Variants in CTNNA2 observed in about 807,000 individuals in gnomAD.
CTNNA2 encodes catenin alpha 2.
In CTNNA2, 42 loss-of-function variants were observed where a neutral mutation model predicts 101.0. That is an observed-to-expected ratio of 0.42 (90% CI 0.32 to 0.54). The LOEUF (loss-of-function observed/expected upper bound fraction) is 0.54. Among genes scored for constraint, CTNNA2 ranks in the 20% least tolerant of loss-of-function variants. The probability of loss-of-function intolerance (pLI) is 0.14; values close to 1 mark genes in which losing one functional copy is unlikely to be tolerated. For synonymous variants in CTNNA2, 450 were observed against 456.4 expected (o/e 0.99, Z 0.18); for missense variants, 871 against 1,223.1 (o/e 0.71, Z 4.29).
At chr2:80,616,485 C>G (rs114764080) in intron 17 of CTNNA2, 1 of 151,686 alleles carries the variant, frequency 6.6e-6, no homozygotes, top group Non-Finnish European at 1.5e-5. Flanking sequence ...TTCCACCTGA[C>G]TTTTCTCAAT....
intron 7 of CTNNA2, among the ~76,000 whole-genome samples, chr2:80,045,961 G>C (rs559383246): frequency 6.6e-6 from 1 of 152,312 alleles, no homozygotes; most frequent in South Asian, 2.1e-4. Flanking sequence ...ATCCCGAAAA[G>C]TGAGAGTAGA....
intron 7 of CTNNA2, among the ~76,000 whole-genome samples, chr2:80,198,001 G>A (rs1706943024): frequency 1.3e-5 from 2 of 152,112 alleles, no homozygotes; most frequent in African/African-American, 2.4e-5. Context: ...ATTTATGACT[G>A]TGGCAATAGT....
intron 1 of CTNNA2, among the ~76,000 whole-genome samples, chr2:79,557,771 T>C (rs190822001): frequency 3.0e-4 from 45 of 152,092 alleles, no homozygotes; most frequent in African/African-American, 1.0e-3. Flanking sequence ...TGAGATGAAT[T>C]GGCTTCTCTG....
chr2:80,554,280 G>A (rs560428546), intron 11 of CTNNA2, among the ~76,000 whole-genome samples: 2 of 152,190 alleles, frequency 1.3e-5, no homozygotes, highest in South Asian at 2.1e-4. Flanking sequence ...AGCCCTAAAA[G>A]CTTCTTAAAG....
At chr2:79,868,739 T>A (rs1418888873) in intron 4 of CTNNA2, among the ~76,000 whole-genome samples, 1 of 152,246 alleles carries the variant, frequency 6.6e-6, no homozygotes, top group African/African-American at 2.4e-5. Context: ...AGCTGCCTTC[T>A]CGCTCCATTC....
intron 7 of CTNNA2, among the ~76,000 whole-genome samples, chr2:80,083,996 G>A (rs971797851): frequency 2.6e-5 from 4 of 151,900 alleles, no homozygotes; most frequent in Non-Finnish European, 5.9e-5. Context: ...TGTAGAGGAG[G>A]GTTTATTTGC....
chr2:79,685,419 C>A (rs1240426604), intron 2 of CTNNA2, among the ~76,000 whole-genome samples: 1 of 152,020 alleles, frequency 6.6e-6, no homozygotes, highest in Non-Finnish European at 1.5e-5. Context: ...TTAACTGACT[C>A]AAATGAGAGA....
intron 7 of CTNNA2, among the ~76,000 whole-genome samples, chr2:80,262,989 C>T (rs318365): frequency 0.44 from 66,926 of 151,826 alleles, 16,425 homozygotes; most frequent in Non-Finnish European, 0.56. Context: ...CAAATTCTAA[C>T]GTGCCAGAAC....
chr2:80,639,685 A>T (rs919545443), intron 18 of CTNNA2, among the ~76,000 whole-genome samples: 1 of 152,192 alleles, frequency 6.6e-6, no homozygotes, highest in African/African-American at 2.4e-5. Context: ...TTAATACTTA[A>T]ATCTTCTCCT....
chr2:79,864,341 G>T (rs1681862935), intron 4 of CTNNA2, among the ~76,000 whole-genome samples: 1 of 152,178 alleles, frequency 6.6e-6, no homozygotes, highest in African/African-American at 2.4e-5. Flanking sequence ...AAACACCAGT[G>T]ATTCTATTGT....
chr2:79,794,667 C>G (rs1049908170), intron 3 of CTNNA2, among the ~76,000 whole-genome samples: 1 of 152,164 alleles, frequency 6.6e-6, no homozygotes, highest in African/African-American at 2.4e-5. Context: ...TACAGTAGAT[C>G]TCCATAACTT....
At chr2:79,661,688 G>A (rs934964978) in intron 2 of CTNNA2, among the ~76,000 whole-genome samples, 1 of 152,124 alleles carries the variant, frequency 6.6e-6, no homozygotes, top group African/African-American at 2.4e-5. Context: ...CTTAGGAGGA[G>A]CTCCTCTCAA....
chr2:80,646,890 G>A (rs1200012166), intron 18 of CTNNA2, among the ~76,000 whole-genome samples: 1 of 151,990 alleles, frequency 6.6e-6, no homozygotes, highest in Non-Finnish European at 1.5e-5. Context: ...TTCTAAAAGG[G>A]CATGACGATA....
At chr2:80,124,411 G>A (rs1341364476) in intron 7 of CTNNA2, among the ~76,000 whole-genome samples, 1 of 152,104 alleles carries the variant, frequency 6.6e-6, no homozygotes, top group Non-Finnish European at 1.5e-5. Context: ...TACCAGTGAA[G>A]ACATTGAATA....
intron 3 of CTNNA2, among the ~76,000 whole-genome samples, chr2:79,357,700 CAA>C (rs954606498): frequency 2.0e-5 from 3 of 151,948 alleles, no homozygotes; most frequent in African/African-American, 7.3e-5. Context: ...GCTAAAAAAA[CAA>C]AGATGAAAGA....
intron 2 of CTNNA2, among the ~76,000 whole-genome samples, chr2:79,744,038 C>G (rs1321818669): frequency 6.6e-6 from 1 of 152,130 alleles, no homozygotes; most frequent in East Asian, 1.9e-4. Flanking sequence ...ATTTGCTTTG[C>G]TTCCTTGCCA....
intron 2 of CTNNA2, among the ~76,000 whole-genome samples, chr2:79,665,721 G>T (rs553387924): frequency 6.6e-6 from 1 of 152,284 alleles, no homozygotes; most frequent in Admixed American, 6.5e-5. Flanking sequence ...ATAATTTTAA[G>T]AGTATTGATT....
chr2:80,370,321 A>G (rs1357395308), intron 7 of CTNNA2, among the ~76,000 whole-genome samples: 1 of 151,964 alleles, frequency 6.6e-6, no homozygotes, highest in Non-Finnish European at 1.5e-5. Flanking sequence ...TACCTAGTGA[A>G]ATATTACCAA....
At chr2:80,141,116 C>T (rs148275986) in intron 7 of CTNNA2, among the ~76,000 whole-genome samples, 2 of 152,018 alleles carry the variant, frequency 1.3e-5, no homozygotes, top group South Asian at 2.1e-4. Context: ...GTATGTGCTT[C>T]TTCTTAGGAC....
Sources: gnomAD v4.1 joint callset for allele counts (sites outside exome capture counted in the v4.1 genomes callset) on GRCh38, gnomAD v4.1.1 for gene constraint, MANE v1.5 for transcripts, NCBI Gene and HGNC (gene_info 2026-07-23, HGNC 2026-07-21) for gene names.